The following CCNY variants were observed in gnomAD, a reference collection of about 807,000 sequenced individuals.
The protein encoded by CCNY is cyclin-Y.
Under a neutral mutation model 42.8 loss-of-function variants are expected in CCNY, and 19 were observed. The observed-to-expected ratio is 0.44, with a 90% confidence interval of 0.31 to 0.65. CCNY has a LOEUF of 0.65. Ranked by LOEUF, CCNY falls within the 30% of genes least tolerant of loss-of-function variation. CCNY has a pLI of 0.07. For synonymous variants in CCNY, 165 were observed against 162.7 expected, an observed-to-expected ratio of 1.01 and a Z score of -0.11; for missense variants, 370 against 437.3, an observed-to-expected ratio of 0.85 and a Z score of 1.37.
chr10:35,492,996 G>A lies in CCNY; in HGVS notation c.230-8505G>A, dbSNP rs115899010. ...TGCAGTCTTCTCTTGAGGTGCATGG[G>A]GGGGGGAGGGCAGGTATCAGGTTTC... On this transcript the variant is annotated intron_variant, in intron 2 of 9. Coordinates refer to ENST00000374704, the MANE Select transcript of CCNY (RefSeq NM_145012.6). Among the ~76,000 whole-genome samples the A allele has an allele frequency of 6.5e-3, 986 of 152,162 alleles. 10 individuals are homozygous for A. Among genetic ancestry groups the A allele is most frequent in the African/African-American group, 0.021 (852 of 41,506 alleles).
intron 3 of CCNY, among the ~76,000 whole-genome samples, chr10:35,512,775 A>T (rs1179873947): frequency 6.6e-6 from 1 of 151,736 alleles, no homozygotes; most frequent in Admixed American, 6.6e-5. Flanking sequence ...TGTGACTCAA[A>T]CTCCCTGTGG....
chr10:35,349,568 C>A (rs894624615), intron 1 of CCNY, among the ~76,000 whole-genome samples: 1 of 152,184 alleles, frequency 6.6e-6, no homozygotes, highest in Non-Finnish European at 1.5e-5. Flanking sequence ...CTTGATTAGT[C>A]ATATTCACAT....
At chr10:35,481,501 T>C (rs979622069) in intron 1 of CCNY, among the ~76,000 whole-genome samples, 3 of 152,206 alleles carry the variant, frequency 2.0e-5, no homozygotes, top group Non-Finnish European at 1.5e-5. Context: ...ATTTTAGTAA[T>C]AAAAGTGGGT....
At chr10:35,501,467 T>A in intron 2 of CCNY, 34 bp from the exon 3 acceptor site, 1 of 1,606,716 alleles carries the variant, frequency 6.2e-7, no homozygotes, top group Non-Finnish European at 8.5e-7. Flanking sequence ...CATGCAGGCA[T>A]ATAACATTTC....
chr10:35,493,643 G>A (rs766972179), intron 2 of CCNY, among the ~76,000 whole-genome samples: 1 of 152,158 alleles, frequency 6.6e-6, no homozygotes, highest in African/African-American at 2.4e-5. Flanking sequence ...GAATCAGACT[G>A]CCTGAACTGG....
chr10:35,322,835 G>C (rs550605231), intron 3 of CCNY, among the ~76,000 whole-genome samples: 8 of 152,202 alleles, frequency 5.3e-5, no homozygotes, highest in Admixed American at 5.2e-4. Flanking sequence ...ACTGATAATA[G>C]CAAGTATTGG....
intron 3 of CCNY, among the ~76,000 whole-genome samples, chr10:35,269,269 ACTTC>A (rs68028146): frequency 0.078 from 11,604 of 149,494 alleles, 710 homozygotes; most frequent in African/African-American, 0.17. Context: ...CAAATAATCT[ACTTC>A]CTTCCTTCCT....
intron 3 of CCNY, among the ~76,000 whole-genome samples, chr10:35,287,256 T>C (rs920136373): frequency 6.6e-6 from 1 of 152,242 alleles, no homozygotes; most frequent in African/African-American, 2.4e-5. Flanking sequence ...ATTTTGAGGA[T>C]ATTGTGTTCC....
At chr10:35,268,786 T>C (rs2135040432) in intron 3 of CCNY, among the ~76,000 whole-genome samples, 1 of 152,352 alleles carries the variant, frequency 6.6e-6, no homozygotes, top group Non-Finnish European at 1.5e-5. Context: ...AGCAGTGGCC[T>C]GAGCCATACC....
chr10:35,425,258 C>G (rs1395211335), intron 1 of CCNY, among the ~76,000 whole-genome samples: 1 of 152,170 alleles, frequency 6.6e-6, no homozygotes, highest in Non-Finnish European at 1.5e-5. Context: ...TTGTTTTCTC[C>G]TGTTTTGATC....
intron 7 of CCNY, among the ~76,000 whole-genome samples, chr10:35,547,636 C>T (rs1841144232): frequency 6.6e-6 from 1 of 152,158 alleles, no homozygotes; most frequent in Admixed American, 6.5e-5. Flanking sequence ...CGTATGTAGT[C>T]CCGCTGACTT....
intron 1 of CCNY, among the ~76,000 whole-genome samples, chr10:35,373,819 TATTA>T (rs1836991807): frequency 6.6e-6 from 1 of 152,212 alleles, no homozygotes; most frequent in African/African-American, 2.4e-5. Flanking sequence ...AACAGGAGGC[TATTA>T]GTTAAGTTTT....
chr10:35,398,591 T>C (rs1312703010), intron 1 of CCNY, among the ~76,000 whole-genome samples: 5 of 152,078 alleles, frequency 3.3e-5, no homozygotes, highest in Admixed American at 3.3e-4. Context: ...TCGTTTACCA[T>C]ATGGTTCTCG....
intron 2 of CCNY, among the ~76,000 whole-genome samples, chr10:35,485,724 C>CAAAAAAAAAAAAAAACAAAAA (rs1839772112): frequency 1.0e-5 from 1 of 97,784 alleles, no homozygotes; most frequent in African/African-American, 3.7e-5. Context: ...GACTCCGTCT[C>CAAAAAAAAAAAAAAACAAAAA]AAAAAAAAAA....
At position 35,307,814 on chromosome 10, in the gene CCNY, A is replaced by AT. The variant is rs1392131046; in HGVS notation, c.-9+57189dup. On this transcript the variant is annotated intron_variant, in intron 3 of 11. Transcript: ENST00000374706. ...TGTGTGTGTGTGTATATATATATAT[A>AT]TATATTTTTTTTTTTTTTTCTGAGA... Among the ~76,000 whole-genome samples, 300 of 63,506 alleles carry AT rather than the reference A, an allele frequency of 4.7e-3. 13 individuals carry two copies. The highest frequency in any genetic ancestry group is 5.7e-3 in the Non-Finnish European group (170 of 29,924). The allele number at this position is 63,506 out of a possible 152,430, so 41.7% of individuals were successfully genotyped here.
chr10:35,258,103 G>A (rs908415320), intron 3 of CCNY, among the ~76,000 whole-genome samples: 6 of 152,186 alleles, frequency 3.9e-5, no homozygotes, highest in African/African-American at 1.4e-4. Context: ...AGAGGTTGCA[G>A]TGAGCCAAAA....
rs138596520 is a variant in CCNY at position 35,542,009 on chromosome 10, C to T, written c.580-11010C>T. ...CCATATTGTATCTAGTGGTCATTAC[C>T]CAGCATCCCTTTTCTTCTTTAGGAT... On this transcript the variant is annotated intron_variant, in intron 7 of 9. Coordinates refer to ENST00000374704, the MANE Select transcript of CCNY (RefSeq NM_145012.6). 3.0e-3 allele frequency among the ~76,000 whole-genome samples: 449 copies of T among 149,286 alleles called. 3 individuals are homozygous for T. The highest frequency in any genetic ancestry group is 6.9e-3 in the Middle Eastern group (2 of 288).
At chr10:35,550,620 GTTTTCTT>G (rs1841234177) in intron 7 of CCNY, among the ~76,000 whole-genome samples, 1 of 152,078 alleles carries the variant, frequency 6.6e-6, no homozygotes, top group African/African-American at 2.4e-5. Context: ...CCAATTTAAT[GTTTTCTT>G]GTGCAAGAGG....
In CCNY at chr10:35,483,479, G is replaced by T; in HGVS notation, c.229+1G>T. The T allele has an allele frequency of 6.3e-7, 1 of 1,578,442 alleles. No homozygotes were observed. The highest frequency in any genetic ancestry group is 8.7e-7 in the Non-Finnish European group (1 of 1,150,240). On this transcript the variant is annotated splice_donor_variant, in intron 2 of 9. Coordinates refer to ENST00000374704, the MANE Select transcript of CCNY (RefSeq NM_145012.6). LOFTEE classifies it high-confidence loss of function. Reference sequence around the variant, plus strand: ...TTCCTCAGTAAATCTCAGACGGACGGTAGGTCCTTAATTTATGTTTCTTTT... The same window carrying T: ...TTCCTCAGTAAATCTCAGACGGACGTTAGGTCCTTAATTTATGTTTCTTTT...
Sources: gnomAD v4.1 joint callset for allele counts (sites outside exome capture counted in the v4.1 genomes callset) on GRCh38, gnomAD v4.1.1 for gene constraint, MANE v1.5 for transcripts, NCBI Gene and HGNC (gene_info 2026-07-23, HGNC 2026-07-21) for gene names.